PTPRM: variants seen among roughly 807,000 people sequenced by gnomAD.
The protein encoded by PTPRM is receptor-type tyrosine-protein phosphatase mu.
A neutral mutation model predicts 186.7 loss-of-function variants in PTPRM; 47 were observed. The observed-to-expected ratio is 0.25, with a 90% CI of 0.20 to 0.32. The LOEUF is 0.32. Ranked by LOEUF, PTPRM falls within the 10% of genes least tolerant of loss-of-function variation. The pLI is 1.00. For synonymous variants in PTPRM, 668 were observed against 674.9 expected, an observed-to-expected ratio of 0.99 and a Z score of 0.16; for missense variants, 1,494 against 1,865.0, an observed-to-expected ratio of 0.80 and a Z score of 3.66.
chr18:8,021,867 G>A (rs752502855), intron 7 of PTPRM, among the ~76,000 whole-genome samples: 4 of 152,036 alleles, frequency 2.6e-5, no homozygotes, highest in African/African-American at 4.8e-5. Flanking sequence ...ACAGGCATGA[G>A]CCACCATGCC....
chr18:7,817,588 ATGATTCAATATG>A (rs2044908227), intron 2 of PTPRM, among the ~76,000 whole-genome samples: 1 of 151,834 alleles, frequency 6.6e-6, no homozygotes, highest in Non-Finnish European at 1.5e-5. Context: ...AAGATTTTAA[ATGATTCAATATG>A]TGAAGTGATT....
At chr18:8,386,110 G>A (rs1390642428) in intron 30 of PTPRM, among the ~76,000 whole-genome samples, 1 of 152,080 alleles carries the variant, frequency 6.6e-6, no homozygotes, top group Non-Finnish European at 1.5e-5. Flanking sequence ...GTGGAGAGAG[G>A]ATCAGAAGCT....
rs149310609 is a variant in PTPRM, at chr18:8,255,474, T to C, written c.2754+2060T>C. ...AAATATTATATACTAATTTGAACCA[T>C]ATTATGACTGACAACTAATTCAGTT... On this transcript the variant is annotated intron_variant, in intron 19 of 32. Transcript: ENST00000580170. 9.7e-4 allele frequency among the ~76,000 whole-genome samples: 148 copies of C among 152,340 alleles called. No homozygotes were observed. The Middle Eastern group carries it at 0.014, about 14-fold the overall frequency.
At chr18:8,236,953 C>G (rs569815899) in intron 14 of PTPRM, among the ~76,000 whole-genome samples, 36 of 152,178 alleles carry the variant, frequency 2.4e-4, no homozygotes, top group African/African-American at 8.4e-4. Context: ...TGTTCCTGTT[C>G]TTTTACTGCC....
intron 1 of PTPRM, among the ~76,000 whole-genome samples, chr18:7,714,186 T>A (rs533717440): frequency 6.6e-6 from 1 of 152,186 alleles, no homozygotes; most frequent in Admixed American, 6.5e-5. Flanking sequence ...CACAGTGCAA[T>A]CAAATTAGAA....
At chr18:7,600,735 C>T (rs558799920) in intron 1 of PTPRM, among the ~76,000 whole-genome samples, 1 of 152,180 alleles carries the variant, frequency 6.6e-6, no homozygotes, top group Non-Finnish European at 1.5e-5. Context: ...GCTGGCTGTG[C>T]CATTGTGTGC....
At chr18:8,379,429 A>G (rs1286252481) in intron 28 of PTPRM, 89 bp downstream of exon 28, 1 of 1,309,852 alleles carries the variant, frequency 7.6e-7, no homozygotes, top group Non-Finnish European at 1.0e-6. Flanking sequence ...TCTGCTCACC[A>G]GCCCTTTTGT....
At chr18:8,289,603 C>T (rs55678156) in intron 19 of PTPRM, among the ~76,000 whole-genome samples, 51,293 of 104,476 alleles carry the variant, frequency 0.49, 12,405 homozygotes, top group Middle Eastern at 0.6. Flanking sequence ...TATATATATA[C>T]ACACATATAT....
chr18:7,957,478 G>A (rs115858228), intron 7 of PTPRM, among the ~76,000 whole-genome samples: 3,284 of 152,258 alleles, frequency 0.022, 45 homozygotes, highest in African/African-American at 0.044. Flanking sequence ...ATGACGATGC[G>A]CCCTTTCCTC....
chr18:7,737,917 G>A (rs1003274826), intron 1 of PTPRM, among the ~76,000 whole-genome samples: 3 of 152,156 alleles, frequency 2.0e-5, no homozygotes, highest in African/African-American at 7.2e-5. Flanking sequence ...TCAGGGTACT[G>A]TAGCTTTCCC....
chr18:7,783,714 G>A (rs902034067), intron 2 of PTPRM, among the ~76,000 whole-genome samples: 3 of 151,532 alleles, frequency 2.0e-5, no homozygotes, highest in African/African-American at 2.4e-5. Context: ...TGGGACTATA[G>A]GTGCATGCCA....
intron 1 of PTPRM, among the ~76,000 whole-genome samples, chr18:7,655,774 G>T (rs2144328485): frequency 6.6e-6 from 1 of 152,310 alleles, no homozygotes; most frequent in East Asian, 1.9e-4. Flanking sequence ...TTAAGTGAAA[G>T]AAGTCAGTTT....
chr18:7,642,197 A>AGCTT (rs969852266), intron 1 of PTPRM, among the ~76,000 whole-genome samples: 5 of 152,320 alleles, frequency 3.3e-5, no homozygotes, highest in Admixed American at 2.0e-4. Context: ...AAACTGTATC[A>AGCTT]GCTTGTGAGA....
Position 7,589,331 on chromosome 18 carries a change from A to G in PTPRM, c.73+21440A>G, listed in dbSNP as rs143326719. On this transcript the variant is annotated intron_variant, in intron 1 of 32. Transcript: ENST00000580170. The stretch of plus-strand genomic sequence containing the variant: ...TTTGGCAGCTATGAGGTCTGTTGAG[A>G]AACAGCAAATGGGAAAGGAGAATCT... Among the ~76,000 whole-genome samples the G allele has an allele frequency of 1.5e-3, 231 of 152,278 alleles. 1 individual carries two copies. The highest frequency in any genetic ancestry group is 5.5e-3 in the African/African-American group (228 of 41,566).
rs545129677 is a variant in PTPRM, at chr18:8,137,898, C to T, written c.2168-5749C>T. On this transcript the variant is annotated intron_variant, in intron 13 of 32. Coordinates refer to ENST00000580170, the MANE Select transcript of PTPRM (RefSeq NM_001105244.2). ...TGTAGCTTACCTGTGACACTTAAGG[C>T]TTCTGGCCTTATTTACTGTGGTCAA... 4.6e-5 allele frequency among the ~76,000 whole-genome samples: 7 copies of T among 152,280 alleles called. 1 individual carries two copies. Among genetic ancestry groups the T allele is most frequent in the African/African-American group, 1.7e-4 (7 of 41,562 alleles).
intron 6 of PTPRM, among the ~76,000 whole-genome samples, chr18:7,953,053 A>G (rs1047859437): frequency 6.6e-6 from 1 of 152,214 alleles, no homozygotes; most frequent in Non-Finnish European, 1.5e-5. Context: ...ATTCTTCTGT[A>G]AACCAAAAGT....
intron 1 of PTPRM, among the ~76,000 whole-genome samples, chr18:7,711,781 A>G (rs1280857840): frequency 6.6e-6 from 1 of 152,118 alleles, no homozygotes; most frequent in African/African-American, 2.4e-5. Flanking sequence ...TTGCCTCCCT[A>G]AATTCCTCCT....
intron 14 of PTPRM, among the ~76,000 whole-genome samples, chr18:8,188,139 AG>A (rs1315670541): frequency 1.3e-5 from 2 of 152,244 alleles, no homozygotes; most frequent in Non-Finnish European, 2.9e-5. Context: ...AGAGGCAGAA[AG>A]GAAATGTTCA....
At chr18:8,140,607 T>C (rs1472882369) in intron 13 of PTPRM, among the ~76,000 whole-genome samples, 1 of 152,054 alleles carries the variant, frequency 6.6e-6, no homozygotes, top group East Asian at 1.9e-4. Context: ...GTGAGGATTA[T>C]GCTCTATGAT....
Sources: allele counts gnomAD v4.1 joint callset (sites outside exome capture counted in the v4.1 genomes callset), GRCh38; gene constraint gnomAD v4.1.1; transcripts MANE v1.5; gene names NCBI Gene and HGNC (gene_info 2026-07-23, HGNC 2026-07-21).